ABCA8: variants seen among roughly 807,000 people sequenced by gnomAD.
The protein encoded by ABCA8 is ABC-type organic anion transporter ABCA8.
In ABCA8, 177 loss-of-function variants were observed where a neutral mutation model predicts 192.3. That is an observed-to-expected ratio of 0.92 (90% CI 0.81 to 1.04). ABCA8 has a LOEUF of 1.04. Ranked by LOEUF, ABCA8 falls within the 50% of genes least tolerant of loss-of-function variation. ABCA8 has a pLI of 0.00. For missense variants in ABCA8, 1,915 were observed against 1,904.8 expected (o/e 1.01, Z -0.10); for synonymous variants, 642 against 690.2 (o/e 0.93, Z 1.09).
intron 19 of ABCA8, among the ~76,000 whole-genome samples, chr17:68,905,036 T>C (rs960332854): frequency 1.3e-5 from 2 of 152,250 alleles, no homozygotes; most frequent in African/African-American, 4.8e-5. Flanking sequence ...AAGACCTGAT[T>C]CTACCTTTAA....
At chr17:68,885,164 A>C in intron 27 of ABCA8, 32 bp downstream of exon 27, 1 of 1,589,314 alleles carries the variant, frequency 6.3e-7, no homozygotes. Context: ...CATGAGTTTC[A>C]AGGGACTGGG....
chr17:68,912,031 C>T (rs891976357), intron 17 of ABCA8, among the ~76,000 whole-genome samples: 8 of 152,052 alleles, frequency 5.3e-5, no homozygotes, highest in African/African-American at 1.9e-4. Context: ...ACATTAAATA[C>T]CTAACTCCTC....
chr17:68,910,076 G>A (rs6501853), intron 17 of ABCA8, among the ~76,000 whole-genome samples: 100,244 of 152,028 alleles, frequency 0.66, 34,059 homozygotes, highest in African/African-American at 0.83. Context: ...GTAGAGCAAG[G>A]TGGCCAGATA....
intron 17 of ABCA8, among the ~76,000 whole-genome samples, chr17:68,910,444 A>G (rs749564855): frequency 9.9e-5 from 15 of 152,162 alleles, no homozygotes; most frequent in Non-Finnish European, 1.9e-4. Flanking sequence ...AGCCTTAGCC[A>G]GAGGGGAAGC....
intron 2 of ABCA8, among the ~76,000 whole-genome samples, chr17:68,947,806 C>T (rs2068453389): frequency 6.6e-6 from 1 of 151,942 alleles, no homozygotes. Flanking sequence ...ATACATGTAA[C>T]CATGGTGGTT....
intron 29 of ABCA8, among the ~76,000 whole-genome samples, 166 bp from the exon 30 acceptor site, chr17:68,882,885 A>G (rs899657716): frequency 2.0e-5 from 3 of 152,190 alleles, no homozygotes; most frequent in African/African-American, 7.2e-5. Flanking sequence ...TCTTATCTAT[A>G]GAAATATGTT....
chr17:68,910,396 A>G (rs571841431), intron 17 of ABCA8, among the ~76,000 whole-genome samples: 23 of 152,184 alleles, frequency 1.5e-4, no homozygotes, highest in Admixed American at 5.9e-4. Flanking sequence ...AACGTAGGGC[A>G]GAATTCGGCC....
At chr17:68,900,480 A>T (rs1345879604) in intron 21 of ABCA8, among the ~76,000 whole-genome samples, 1 of 150,902 alleles carries the variant, frequency 6.6e-6, no homozygotes, top group Non-Finnish European at 1.5e-5. Context: ...TCACCCAGAT[A>T]GCTACACTAG....
At chr17:68,939,775 T>TA (rs2068173924) in intron 4 of ABCA8, among the ~76,000 whole-genome samples, 1 of 152,188 alleles carries the variant, frequency 6.6e-6, no homozygotes, top group African/African-American at 2.4e-5. Context: ...TTGGGCCTCT[T>TA]ACGCTCAACT....
At chr17:68,874,125 G>A (rs554609152) in intron 37 of ABCA8, among the ~76,000 whole-genome samples, 5 of 152,276 alleles carry the variant, frequency 3.3e-5, no homozygotes, top group African/African-American at 1.2e-4. Flanking sequence ...GTGAGTAGGT[G>A]CTGTCCAGAT....
rs1001894911 is a variant in ABCA8 at position 68,937,653 on chromosome 17, T to A, written c.302-538A>T. Among the ~76,000 whole-genome samples, 8 of 152,264 alleles carry A rather than the reference T, an allele frequency of 5.3e-5. No homozygotes were observed. The East Asian group carries it at 1.5e-3, about 29-fold the overall frequency. ...ATTTTGTCTGAGGCCACATGGATGT[T>A]TTATTAATACTGAAAAATGAGACAA... On this transcript the variant is annotated intron_variant, in intron 4 of 39. Coordinates refer to ENST00000586539, the MANE Select transcript of ABCA8 (RefSeq NM_001288985.2).
intron 17 of ABCA8, among the ~76,000 whole-genome samples, chr17:68,908,455 T>G (rs1281796081): frequency 6.6e-6 from 1 of 152,198 alleles, no homozygotes; most frequent in Non-Finnish European, 1.5e-5. Context: ...ATTATTCTGC[T>G]CTTATGGAGT....
chr17:68,948,014 TGTTA>T (rs1356370919), intron 2 of ABCA8, among the ~76,000 whole-genome samples: 1 of 152,156 alleles, frequency 6.6e-6, no homozygotes, highest in East Asian at 1.9e-4. Context: ...TCTTTTCCTG[TGTTA>T]GTTTGCTGAG....
chr17:68,951,197 A>G (rs76258948), intron 1 of ABCA8, among the ~76,000 whole-genome samples: 8,132 of 152,288 alleles, frequency 0.053, 365 homozygotes, highest in East Asian at 0.23. Context: ...CCTTTTTGCT[A>G]TGTAACATAA....
intron 30 of ABCA8, 124 bp downstream of exon 30, chr17:68,882,475 C>T (rs1464754096): frequency 7.6e-5 from 60 of 785,702 alleles, no homozygotes; most frequent in Middle Eastern, 5.6e-4. Flanking sequence ...CTCATTTAAT[C>T]GTAAAAATGG....
At chr17:68,931,761 C>CTTTTTTTTTTTTTTTT (rs71144640) in intron 7 of ABCA8, 2 of 96,194 alleles carry the variant, frequency 2.1e-5, no homozygotes, top group African/African-American at 3.5e-5. Context: ...AATACATTTC[C>CTTTTTTTTTTTTTTTT]TTTTTTTTTT....
At chr17:68,882,071 G>T (rs893341902) in intron 30 of ABCA8, 91 bp from the exon 31 acceptor site, 1 of 1,090,156 alleles carries the variant, frequency 9.2e-7, no homozygotes. Context: ...TGGACCCTTT[G>T]TTGCCCCAGC....
chr17:68,871,900 A>ATATAC (rs139431526), intron 37 of ABCA8, among the ~76,000 whole-genome samples: 53,537 of 151,542 alleles, frequency 0.35, 10,372 homozygotes, highest in Admixed American at 0.48. Flanking sequence ...TAGTTTATGT[A>ATATAC]TATACTATAC....
intron 17 of ABCA8, among the ~76,000 whole-genome samples, chr17:68,909,017 T>A (rs568969719): frequency 6.6e-6 from 1 of 152,186 alleles, no homozygotes; most frequent in Admixed American, 6.5e-5. Flanking sequence ...TATATGCTAT[T>A]TTTTTAGAAG....
Sources: allele counts gnomAD v4.1 joint callset (sites outside exome capture counted in the v4.1 genomes callset), GRCh38; gene constraint gnomAD v4.1.1; transcripts MANE v1.5; gene names NCBI Gene and HGNC (gene_info 2026-07-23, HGNC 2026-07-21).